LRRIQ1: variants seen among roughly 807,000 people sequenced by gnomAD.
LRRIQ1 encodes the protein leucine rich repeats and IQ motif containing 1, also known as leucine-rich repeat- and IQ domain-containing protein 1.
LRRIQ1 carries 210 observed loss-of-function variants against 211.9 expected under a neutral mutation model. The ratio of observed to expected loss-of-function variants is 0.99; its 90% CI spans 0.89 to 1.11. The LOEUF is 1.11. LRRIQ1 is among the 50% of genes most tolerant of loss of function. The pLI, the probability that LRRIQ1 is intolerant of heterozygous loss-of-function variation, is 0.00. For synonymous variants in LRRIQ1, 699 were observed against 650.1 expected (o/e 1.08, Z -1.14); for missense variants, 2,136 against 1,939.5 (o/e 1.10, Z -1.90).
chr12:85,131,735 A>C (rs1888779044), intron 18 of LRRIQ1, among the ~76,000 whole-genome samples: 2 of 152,114 alleles, frequency 1.3e-5, no homozygotes, highest in Non-Finnish European at 2.9e-5. Flanking sequence ...AGTATGCTAC[A>C]GGGGGTAAGA....
chr12:85,237,031 A>G (rs1895221354), intron 26 of LRRIQ1, among the ~76,000 whole-genome samples: 1 of 151,738 alleles, frequency 6.6e-6, no homozygotes, highest in Admixed American at 6.6e-5. Flanking sequence ...GATTAAAACC[A>G]TGCAGAAAAT....
intron 24 of LRRIQ1, among the ~76,000 whole-genome samples, chr12:85,172,101 C>G (rs1891448273): frequency 6.6e-6 from 1 of 152,154 alleles, no homozygotes; most frequent in African/African-American, 2.4e-5. Flanking sequence ...CTTTCCTGGA[C>G]AGCTACAAGG....
At chr12:85,245,506 C>T (rs1342860307), downstream of LRRIQ1, among the ~76,000 whole-genome samples, 1 of 132,882 alleles carries the variant, frequency 7.5e-6, no homozygotes, top group Non-Finnish European at 1.5e-5. Flanking sequence ...ATATATAATA[C>T]ATTTATATAA....
intron 18 of LRRIQ1, among the ~76,000 whole-genome samples, chr12:85,130,139 C>T (rs1888650507): frequency 6.6e-6 from 1 of 152,142 alleles, no homozygotes; most frequent in Non-Finnish European, 1.5e-5. Flanking sequence ...TCAAGAGAAA[C>T]ACCTTTGCTG....
chr12:85,217,514 G>A (rs1448599735), intron 24 of LRRIQ1, among the ~76,000 whole-genome samples: 1,657 of 53,440 alleles, frequency 0.031, 54 homozygotes, highest in African/African-American at 0.15. Context: ...ATATATGTGT[G>A]TGTGTGTGTG....
chr12:85,197,953 TTATA>T (rs1276531134), intron 24 of LRRIQ1, among the ~76,000 whole-genome samples: 1 of 108,240 alleles, frequency 9.2e-6, no homozygotes, highest in African/African-American at 3.6e-5. Context: ...TTATATATAA[TTATA>T]TATTATATAT....
chr12:85,146,720 A>T (rs1889915091), intron 19 of LRRIQ1, among the ~76,000 whole-genome samples: 1 of 151,808 alleles, frequency 6.6e-6, no homozygotes, highest in Non-Finnish European at 1.5e-5. Context: ...ATTAACACTT[A>T]GACCTTTCAT....
intron 24 of LRRIQ1, among the ~76,000 whole-genome samples, chr12:85,188,204 C>G (rs369851694): frequency 6.6e-6 from 1 of 151,446 alleles, no homozygotes; most frequent in Non-Finnish European, 1.5e-5. Flanking sequence ...GAGTAACAAC[C>G]AAAAATCATG....
intron 20 of LRRIQ1, 139 bp from the exon 21 acceptor site, chr12:85,152,885 A>G (rs1031673097): frequency 2.3e-5 from 10 of 441,426 alleles, no homozygotes; most frequent in Non-Finnish European, 3.8e-6. Flanking sequence ...ATATTACATA[A>G]ATTTCATTTT....
At chr12:85,135,036 G>T (rs1456272508) in intron 18 of LRRIQ1, among the ~76,000 whole-genome samples, 1 of 151,812 alleles carries the variant, frequency 6.6e-6, no homozygotes, top group African/African-American at 2.4e-5. Flanking sequence ...TATCATATCA[G>T]TATTACAAAT....
chr12:85,098,288 T>C (rs1886067427), intron 11 of LRRIQ1, 67 bp from the exon 12 acceptor site: 2 of 1,062,506 alleles, frequency 1.9e-6, no homozygotes, highest in East Asian at 5.3e-5. Context: ...AGAAAAAAAA[T>C]GGAAACTTTC....
At chr12:85,266,525 C>T (rs929900743), downstream of LRRIQ1, among the ~76,000 whole-genome samples, 1 of 152,082 alleles carries the variant, frequency 6.6e-6, no homozygotes, top group African/African-American at 2.4e-5. Context: ...GAATTTTACC[C>T]AAACCAAAAG....
chr12:85,156,373 G>T (rs1890543954), intron 23 of LRRIQ1, among the ~76,000 whole-genome samples: 1 of 151,656 alleles, frequency 6.6e-6, no homozygotes. Context: ...ATGGTGAAAA[G>T]CATGAAAAAG....
rs1490330901 is a variant in LRRIQ1, at chr12:85,055,658, A to G, written c.865A>G (p.Lys289Glu). Residue 289 changes from lysine (K) to glutamate (E), a missense_variant, in exon 8 of 27, where the codon AAA becomes GAA. Coordinates refer to ENST00000393217, the MANE Select transcript of LRRIQ1 (RefSeq NM_001079910.2). Reference sequence around the variant, plus strand: ...AAAACAGCAGAATAATGCAGCTGTTAAAATTCAAGCTAAATATAAAGCATT... The same window carrying G: ...AAAACAGCAGAATAATGCAGCTGTTGAAATTCAAGCTAAATATAAAGCATT... ...LLKQQNNAAV[K>E]IQAKYKAFVA... 1 of 1,603,178 alleles carries G rather than the reference A, an allele frequency of 6.2e-7. No individual in the cohort carries two copies. Among genetic ancestry groups the G allele is most frequent in the Non-Finnish European group, 8.5e-7 (1 of 1,176,896 alleles).
chr12:85,199,623 A>T (rs1893193955), intron 24 of LRRIQ1, among the ~76,000 whole-genome samples: 1 of 152,202 alleles, frequency 6.6e-6, no homozygotes, highest in African/African-American at 2.4e-5. Context: ...ACAATTCTAC[A>T]TTGCTGGGGG....
In LRRIQ1 at chr12:85,055,609, A is replaced by T; in HGVS notation, c.816A>T (p.Gln272His). 1 of 1,571,368 alleles carries T rather than the reference A, an allele frequency of 6.4e-7. No homozygotes were observed. Among genetic ancestry groups the T allele is most frequent in the South Asian group, 1.2e-5 (1 of 82,766 alleles). Reference protein sequence around the residue: ...EEERTRFKDQQEKEKNSLLKQ... With the variant: ...EEERTRFKDQHEKEKNSLLKQ... Reference sequence around the variant, plus strand: ...AAAGAACAAGATTTAAAGACCAACAAGAAAAAGAAAAAAATTCTTTGTTAA... The same window carrying T: ...AAAGAACAAGATTTAAAGACCAACATGAAAAAGAAAAAAATTCTTTGTTAA... Residue 272 changes from glutamine to histidine, a missense_variant, in exon 8 of 27, where the codon CAA becomes CAT. By Grantham distance (24) the Gln-to-His change is conservative. Coordinates refer to ENST00000393217, the MANE Select transcript of LRRIQ1 (RefSeq NM_001079910.2).
chr12:85,132,299 CA>C (rs1197003537), intron 18 of LRRIQ1, among the ~76,000 whole-genome samples: 4 of 151,900 alleles, frequency 2.6e-5, no homozygotes, highest in African/African-American at 7.3e-5. Context: ...AAAAGATAAT[CA>C]AGAGAAAGAG....
intron 18 of LRRIQ1, among the ~76,000 whole-genome samples, chr12:85,137,411 A>G (rs1003445565): frequency 1.3e-5 from 2 of 151,662 alleles, no homozygotes; most frequent in Non-Finnish European, 3.0e-5. Context: ...TTAATTCATC[A>G]TTATAGGCCA....
At chr12:85,072,316 T>A (rs1420000914) in intron 10 of LRRIQ1, among the ~76,000 whole-genome samples, 1 of 151,986 alleles carries the variant, frequency 6.6e-6, no homozygotes, top group Non-Finnish European at 1.5e-5. Flanking sequence ...TTGGAACTTA[T>A]TTTGGCTGTC....
Sources: allele counts gnomAD v4.1 joint callset (sites outside exome capture counted in the v4.1 genomes callset), GRCh38; gene constraint gnomAD v4.1.1; transcripts MANE v1.5; gene names NCBI Gene and HGNC (gene_info 2026-07-23, HGNC 2026-07-21).